The following SOS1 variants were observed in gnomAD, a reference collection of about 807,000 sequenced individuals.
SOS1 encodes the protein SOS Ras/Rac guanine nucleotide exchange factor 1.
Under a neutral mutation model 157.6 loss-of-function variants are expected in SOS1, and 25 were observed. That is an observed-to-expected ratio of 0.16 (90% CI 0.12 to 0.22). The LOEUF (loss-of-function observed/expected upper bound fraction) is 0.22, where lower values mean the gene tolerates loss of function less well. Among genes scored for constraint, SOS1 ranks in the 10% least tolerant of loss-of-function variants. SOS1 has a pLI of 1.00. For missense variants in SOS1, 1,237 were observed against 1,599.1 expected (o/e 0.77, Z 3.86); for synonymous variants, 528 against 534.0 (o/e 0.99, Z 0.16).
intron 1 of SOS1, among the ~76,000 whole-genome samples, chr2:39,114,351 T>C (rs1242366490): frequency 1.3e-5 from 2 of 151,820 alleles, no homozygotes; most frequent in Non-Finnish European, 2.9e-5. Context: ...TTGCCCAAGC[T>C]GGAGTGCAAT....
At chr2:39,107,142 A>G (rs1673224007) in intron 1 of SOS1, among the ~76,000 whole-genome samples, 1 of 152,026 alleles carries the variant, frequency 6.6e-6, no homozygotes, top group African/African-American at 2.4e-5. Context: ...TGAAATGGGG[A>G]AAAACTGTAC....
chr2:39,107,123 TTACCCACCTGAAATGGGGAAAAAC>T (rs925832895), intron 1 of SOS1, among the ~76,000 whole-genome samples: 3 of 151,990 alleles, frequency 2.0e-5, no homozygotes, highest in African/African-American at 4.8e-5. Context: ...TGGGAACAAA[TTACCCACCTGAAATGGGGAAAAAC>T]TGTACTTTAT....
At chr2:39,019,907 T>G (rs1283549775) in intron 10 of SOS1, among the ~76,000 whole-genome samples, 1 of 151,368 alleles carries the variant, frequency 6.6e-6, no homozygotes, top group African/African-American at 2.4e-5. Flanking sequence ...CCATTTATAT[T>G]ATTGGCAGTT....
intron 1 of SOS1, among the ~76,000 whole-genome samples, chr2:39,110,456 T>A (rs1673381911): frequency 6.6e-6 from 1 of 151,598 alleles, no homozygotes; most frequent in African/African-American, 2.4e-5. Flanking sequence ...CATAAAAATA[T>A]CAACACAATC....
chr2:39,022,099 A>T (rs1260531531), intron 10 of SOS1, among the ~76,000 whole-genome samples: 1 of 151,844 alleles, frequency 6.6e-6, no homozygotes, highest in African/African-American at 2.4e-5. Flanking sequence ...CAGGATTGCA[A>T]CATTTATTAT....
chr2:39,022,813 C>T lies in SOS1; in HGVS notation c.1615G>A (p.Ala539Thr). 6.2e-7 allele frequency: 1 copy of T among 1,613,556 alleles called. No individual in the cohort carries two copies. The highest frequency in any genetic ancestry group is 8.5e-7 in the Non-Finnish European group (1 of 1,179,624). Residue 539 changes from alanine (A) to threonine (T), a missense_variant, in exon 10 of 23, where the codon GCA (alanine) becomes ACA (threonine). Ala to Thr is a moderately conservative substitution (Grantham distance 58, BLOSUM62 0). Transcript: ENST00000402219. ...KSAEEKNNWM[A>T]ALISLQYRST... ...CGGTACTGTAAAGATATCAATGCTG[C>T]CATCCAATTGTTTTTCTCTTCAGCT...
chr2:39,000,877 A>C (rs1669074576), intron 17 of SOS1, among the ~76,000 whole-genome samples: 1 of 152,242 alleles, frequency 6.6e-6, no homozygotes, highest in African/African-American at 2.4e-5. Flanking sequence ...TTTAAAAGAC[A>C]GGCCAGGATA....
chr2:39,060,989 G>A (rs1671380737), intron 2 of SOS1, among the ~76,000 whole-genome samples: 1 of 151,784 alleles, frequency 6.6e-6, no homozygotes, highest in Non-Finnish European at 1.5e-5. Context: ...GTAGGCAGGG[G>A]TTGAGGTAGA....
intron 1 of SOS1, among the ~76,000 whole-genome samples, chr2:39,103,469 T>C (rs1194377595): frequency 2.0e-5 from 3 of 152,164 alleles, no homozygotes; most frequent in Non-Finnish European, 4.4e-5. Context: ...ACCAACAGCA[T>C]AAAACTGAGC....
chr2:38,996,152 C>T (rs1434110174), intron 19 of SOS1, among the ~76,000 whole-genome samples: 2 of 152,034 alleles, frequency 1.3e-5, no homozygotes, highest in Admixed American at 6.6e-5. Flanking sequence ...AGCCATGGCA[C>T]GATCTTGGCT....
Position 39,120,165 on chromosome 2 carries a change from A to G in SOS1, c.87+171T>C, listed in dbSNP as rs376947601. Among the ~76,000 whole-genome samples, 5 of 151,604 alleles carry G rather than the reference A, an allele frequency of 3.3e-5. No individual in the cohort carries two copies. The East Asian group carries it at 7.8e-4, about 24-fold the overall frequency. On this transcript the variant is annotated intron_variant, in intron 1 of 22. Coordinates refer to ENST00000402219, the MANE Select transcript of SOS1 (RefSeq NM_005633.4). ...ATTCCCACACACCCGGTGGATGTCA[A>G]CACCGAGAGCCAGCCGTATGAGGGG...
chr2:38,987,443 A>G lies in SOS1; in HGVS notation c.3510+30T>C, dbSNP rs1213874115. The G allele has an allele frequency of 6.9e-6, 8 of 1,161,312 alleles. No homozygotes were observed. The Admixed American group carries it at 7.2e-5, about 10-fold the overall frequency. 71.9% of individuals were successfully genotyped at this position (1,161,312 alleles called of 1,614,324 possible). On this transcript the variant is annotated intron_variant, in intron 22 of 22. Transcript: ENST00000402219. ...ATTATAATGAACTGTAATGATTCCA[A>G]TTTCTACACAACAAGATTTCTTACT...
At chr2:39,109,659 C>A (rs1228843188) in intron 1 of SOS1, among the ~76,000 whole-genome samples, 2 of 152,218 alleles carry the variant, frequency 1.3e-5, no homozygotes, top group Admixed American at 6.5e-5. Flanking sequence ...CCTGATTCTA[C>A]TCCTTACTAG....
chr2:39,046,495 CTTTTTTTT>C (rs201639147), intron 6 of SOS1, among the ~76,000 whole-genome samples: 38 of 124,404 alleles, frequency 3.1e-4, no homozygotes, highest in African/African-American at 1.1e-3. Flanking sequence ...GAGACAGTGT[CTTTTTTTT>C]TTTTTTTTTT....
chr2:39,020,018 T>G (rs921302486), intron 10 of SOS1, among the ~76,000 whole-genome samples: 8 of 151,746 alleles, frequency 5.3e-5, no homozygotes, highest in African/African-American at 1.7e-4. Flanking sequence ...TACAACATAT[T>G]CTATTCATGA....
In SOS1 at chr2:39,119,452, A is replaced by G. The variant is rs554653442; in HGVS notation, c.87+884T>C. On this transcript the variant is annotated intron_variant, in intron 1 of 22. Transcript: ENST00000402219. ...AAACATAATCTCCATTCTTAGTAGA[A>G]GCAGTTAGCATGAAACATTCTTTGA... 5.3e-5 allele frequency among the ~76,000 whole-genome samples: 8 copies of G among 152,378 alleles called. No individual in the cohort carries two copies. The East Asian group carries it at 1.2e-3, about 22-fold the overall frequency.
At chr2:39,081,482 T>C (rs911927962) in intron 1 of SOS1, among the ~76,000 whole-genome samples, 1 of 150,232 alleles carries the variant, frequency 6.7e-6, no homozygotes, top group African/African-American at 2.5e-5. Flanking sequence ...ATCGCGCCAC[T>C]GCATTCTACC....
At position 38,983,060 on chromosome 2, in the gene SOS1, TA is replaced by T. The variant is rs1668449586; in HGVS notation, c.*2763del. 1 of 152,172 alleles carries T rather than the reference TA, an allele frequency of 6.6e-6. No individual in the cohort carries two copies. Among genetic ancestry groups the T allele is most frequent in the African/African-American group, 2.4e-5 (1 of 41,440 alleles). The allele number at this position is 152,172 out of a possible 1,614,324, so 9.4% of individuals were successfully genotyped here. On this transcript the variant is annotated 3_prime_UTR_variant, in exon 23 of 23. Transcript: ENST00000402219. ...CGAACTCTCAATGTATGTTTCCTGA[TA>T]ATGTGTAGTCTTAAAATACATCAGC...
Position 39,031,495 on chromosome 2 carries a change from C to T in SOS1, c.1074+3717G>A, listed in dbSNP as rs965031875. ...CTATAATCCCAGCACTTTGGGAGGC[C>T]GAGGTGGGCAGATCACTTGAGGTCA... On this transcript the variant is annotated intron_variant, in intron 8 of 22. Coordinates refer to ENST00000402219, the MANE Select transcript of SOS1 (RefSeq NM_005633.4). Among the ~76,000 whole-genome samples, 7 of 152,182 alleles carry T rather than the reference C, an allele frequency of 4.6e-5. No individual in the cohort carries two copies. The South Asian group carries it at 1.2e-3, about 27-fold the overall frequency.
Sources: gnomAD v4.1 joint callset for allele counts (sites outside exome capture counted in the v4.1 genomes callset) on GRCh38, gnomAD v4.1.1 for gene constraint, MANE v1.5 for transcripts, NCBI Gene and HGNC (gene_info 2026-07-23, HGNC 2026-07-21) for gene names.